Variants in RNGTT observed in about 807,000 individuals in gnomAD.
RNGTT encodes the protein RNA guanylyltransferase and 5'-phosphatase, also known as mRNA-capping enzyme.
In RNGTT, 33 loss-of-function variants were observed where a neutral mutation model predicts 79.3. That is an observed-to-expected ratio of 0.42 (90% CI 0.32 to 0.56). RNGTT has a LOEUF of 0.56. Ranked by LOEUF, RNGTT falls within the 20% of genes least tolerant of loss-of-function variation. The pLI, the probability that RNGTT is intolerant of heterozygous loss-of-function variation, is 0.17. For synonymous variants in RNGTT, 222 were observed against 235.9 expected, an observed-to-expected ratio of 0.94 and a Z score of 0.54; for missense variants, 497 against 739.1, an observed-to-expected ratio of 0.67 and a Z score of 3.80.
At chr6:88,798,494 G>T (rs1779676473) in intron 12 of RNGTT, among the ~76,000 whole-genome samples, 1 of 151,564 alleles carries the variant, frequency 6.6e-6, no homozygotes, top group African/African-American at 2.4e-5. Flanking sequence ...AAAATGAACT[G>T]TAAGAAATAA....
At chr6:88,823,016 T>C (rs142168377) in intron 11 of RNGTT, among the ~76,000 whole-genome samples, 4 of 152,296 alleles carry the variant, frequency 2.6e-5, no homozygotes, top group African/African-American at 9.6e-5. Context: ...ATTTCTGACC[T>C]TGGGTTAGGC....
intron 8 of RNGTT, among the ~76,000 whole-genome samples, chr6:88,887,045 T>C (rs534343524): frequency 7.6e-6 from 1 of 131,988 alleles, no homozygotes; most frequent in Non-Finnish European, 1.6e-5. Flanking sequence ...ACACAATTTC[T>C]TTAAAAAAAA....
intron 14 of RNGTT, among the ~76,000 whole-genome samples, chr6:88,647,706 A>AAAAAAAAAG: frequency 2.7e-5 from 4 of 148,448 alleles, no homozygotes; most frequent in African/African-American, 7.8e-5. Flanking sequence ...CCTGTTAAAA[A>AAAAAAAAAG]AAAAAAAAAA....
intron 4 of RNGTT, among the ~76,000 whole-genome samples, chr6:88,913,320 C>A (rs894789671): frequency 6.6e-6 from 1 of 151,930 alleles, no homozygotes; most frequent in African/African-American, 2.4e-5. Flanking sequence ...GAAACAATCC[C>A]CAAAAATTGA....
chr6:88,846,899 A>G (rs1781502500), intron 10 of RNGTT, among the ~76,000 whole-genome samples: 1 of 152,170 alleles, frequency 6.6e-6, no homozygotes. Flanking sequence ...GGGAAGTTGG[A>G]ATACTCTCAC....
At chr6:88,779,858 T>C (rs1582451909) in intron 12 of RNGTT, among the ~76,000 whole-genome samples, 2 of 152,222 alleles carry the variant, frequency 1.3e-5, no homozygotes, top group African/African-American at 4.8e-5. Context: ...CTAGGCATGG[T>C]GGTGCATGTT....
chr6:88,945,916 G>GA (rs1784993504), intron 1 of RNGTT, among the ~76,000 whole-genome samples: 1 of 152,194 alleles, frequency 6.6e-6, no homozygotes, highest in Non-Finnish European at 1.5e-5. Context: ...AAAGACTCTA[G>GA]CGAGTTGCTA....
intron 2 of RNGTT, 68 bp downstream of exon 2, chr6:88,941,003 A>G (rs545932921): frequency 2.4e-6 from 2 of 845,962 alleles, no homozygotes; most frequent in East Asian, 5.1e-5. Context: ...TTTTTTTAAA[A>G]GCCACCTGAA....
chr6:88,815,704 C>T (rs1780292464), intron 11 of RNGTT, among the ~76,000 whole-genome samples: 1 of 152,192 alleles, frequency 6.6e-6, no homozygotes, highest in South Asian at 2.1e-4. Flanking sequence ...AAGTGACAGA[C>T]TGTAGAATGA....
chr6:88,860,771 C>T (rs1781987467), intron 8 of RNGTT, among the ~76,000 whole-genome samples: 1 of 150,410 alleles, frequency 6.6e-6, no homozygotes, highest in African/African-American at 2.5e-5. Context: ...GCCAGGAGTT[C>T]AAGACTAGCC....
chr6:88,789,083 A>AT (rs1441778645), intron 12 of RNGTT, among the ~76,000 whole-genome samples: 2 of 152,134 alleles, frequency 1.3e-5, no homozygotes, highest in African/African-American at 2.4e-5. Flanking sequence ...TTAATATAGT[A>AT]TTTTTTATCA....
chr6:88,663,071 T>C (rs1211636233), intron 14 of RNGTT, among the ~76,000 whole-genome samples: 1 of 152,216 alleles, frequency 6.6e-6, no homozygotes, highest in Non-Finnish European at 1.5e-5. Context: ...GAATGAGTAA[T>C]TCCTTATCCA....
chr6:88,651,502 G>A (rs1349393030), intron 14 of RNGTT, among the ~76,000 whole-genome samples: 1 of 151,920 alleles, frequency 6.6e-6, no homozygotes, highest in Non-Finnish European at 1.5e-5. Context: ...TTTGATAAAA[G>A]CACTAACTTT....
intron 13 of RNGTT, among the ~76,000 whole-genome samples, chr6:88,711,160 T>C (rs1776304735): frequency 6.6e-6 from 1 of 152,194 alleles, no homozygotes; most frequent in Non-Finnish European, 1.5e-5. Context: ...CACTTTTAAA[T>C]TGTAGTGCTG....
chr6:88,819,920 G>C (rs1780444961), intron 11 of RNGTT, among the ~76,000 whole-genome samples: 3 of 151,932 alleles, frequency 2.0e-5, no homozygotes, highest in Admixed American at 2.0e-4. Context: ...TCACCTACTA[G>C]GTAGGTGAAA....
intron 13 of RNGTT, among the ~76,000 whole-genome samples, chr6:88,691,393 G>T (rs1482853702): frequency 6.6e-6 from 1 of 152,082 alleles, no homozygotes. Flanking sequence ...GTCTTAGGTA[G>T]TTCTTTATAG....
At chr6:88,920,686 A>C (rs1396177422) in intron 4 of RNGTT, among the ~76,000 whole-genome samples, 2 of 152,170 alleles carry the variant, frequency 1.3e-5, no homozygotes, top group Admixed American at 1.3e-4. Context: ...AATGAATTCA[A>C]AGGAGGGCAG....
chr6:88,808,407 A>C (rs1037370902), intron 11 of RNGTT, among the ~76,000 whole-genome samples: 2 of 152,192 alleles, frequency 1.3e-5, no homozygotes, highest in Admixed American at 1.3e-4. Context: ...AAAAGTGGAG[A>C]TATAATGGAA....
intron 11 of RNGTT, among the ~76,000 whole-genome samples, chr6:88,814,112 CT>C (rs1417525502): frequency 9.2e-5 from 14 of 151,956 alleles, no homozygotes; most frequent in Non-Finnish European, 5.9e-5. Context: ...ACATAAAAAA[CT>C]GTTAGAGAAG....
Sources: allele counts gnomAD v4.1 joint callset (sites outside exome capture counted in the v4.1 genomes callset), GRCh38; gene constraint gnomAD v4.1.1; transcripts MANE v1.5; gene names NCBI Gene and HGNC (gene_info 2026-07-23, HGNC 2026-07-21).